The following ORMDL3 variants were observed in gnomAD, a reference collection of about 807,000 sequenced individuals.
ORMDL3 encodes ORMDL sphingolipid biosynthesis regulator 3.
ORMDL3 carries 6 observed loss-of-function variants against 12.6 expected under a neutral mutation model. That is an observed-to-expected ratio of 0.48 (90% confidence interval 0.26 to 0.94). ORMDL3 has a LOEUF of 0.94. ORMDL3 is among the 40% of genes least tolerant of loss of function. ORMDL3 has a pLI of 0.14. For synonymous variants in ORMDL3, 99 were observed against 87.2 expected (o/e 1.14, Z -0.75); for missense variants, 159 against 205.5 (o/e 0.77, Z 1.38).
chr17:39,922,776 A>G (rs1453215885), intron 3 of ORMDL3, 91 bp from the exon 4 acceptor site: 7 of 1,455,886 alleles, frequency 4.8e-6, no homozygotes, highest in Non-Finnish European at 6.5e-6. Context: ...CAGAATCCCA[A>G]CAGCTAAGGA....
At chr17:39,927,117 G>A (rs974748166) in intron 1 of ORMDL3, 2 of 639,472 alleles carry the variant, frequency 3.1e-6, no homozygotes, top group South Asian at 1.4e-4. Context: ...CGGGGGGAGG[G>A]GTCCCGCTCT....
Position 39,922,798 on chromosome 17 carries a change from G to A in ORMDL3, c.327-113C>T, listed in dbSNP as rs961500245. 11 of 1,353,196 alleles carry A rather than the reference G, an allele frequency of 8.1e-6. No homozygotes were observed. In the African/African-American group the frequency reaches 1.6e-4, roughly 20 times the overall value. The allele number at this position is 1,353,196 out of a possible 1,614,324, so 83.8% of individuals were successfully genotyped here. On this transcript the variant is annotated intron_variant, in intron 3 of 3. Coordinates refer to ENST00000304046, the MANE Select transcript of ORMDL3 (RefSeq NM_139280.4). ...CCAACAGCTAAGGAGTTACAGAAGAGGTTCCCAGACCAGCGTAAGAAGCAA... is the reference window on the plus strand; with the variant it reads ...CCAACAGCTAAGGAGTTACAGAAGAAGTTCCCAGACCAGCGTAAGAAGCAA...
chr17:39,926,904 T>C (rs1978458829), intron 1 of ORMDL3: 1 of 986,068 alleles, frequency 1.0e-6, no homozygotes, highest in Middle Eastern at 5.2e-4. Flanking sequence ...CACAATGCCA[T>C]GTCCATTCCG....
chr17:39,922,586 G>A lies in ORMDL3; in HGVS notation c.426C>T (p.Leu142=). ...MSVLIPKLPQ[L]HGVRIFGINK... ...TGATTCCAAAAATCCGGACTCCGTGGAGCTGGGGCAGCTTGGGGATAAGCA... is the reference window on the plus strand; with the variant it reads ...TGATTCCAAAAATCCGGACTCCGTGAAGCTGGGGCAGCTTGGGGATAAGCA... Residue 142 remains leucine, a synonymous_variant, in exon 4 of 4, where the codon CTC becomes CTT. Transcript: ENST00000304046. 6 of 1,614,216 alleles carry A rather than the reference G, an allele frequency of 3.7e-6. No individual in the cohort carries two copies. The highest frequency in any genetic ancestry group is 5.1e-6 in the Non-Finnish European group (6 of 1,180,036).
In ORMDL3 at chr17:39,927,564, G is replaced by C; in HGVS notation, c.-103C>G. The C allele has an allele frequency of 1.0e-6, 1 of 985,558 alleles. No homozygotes were observed. The highest frequency in any genetic ancestry group is 1.2e-6 in the Non-Finnish European group (1 of 830,030). The allele number at this position is 985,558 out of a possible 1,614,324, so 61.1% of individuals were successfully genotyped here. A position where few individuals can be genotyped will look rare whatever the true frequency, so the allele number is the denominator to read the frequency against. On this transcript the variant is annotated 5_prime_UTR_variant, in exon 1 of 4. Coordinates refer to ENST00000304046, the MANE Select transcript of ORMDL3 (RefSeq NM_139280.4). Reference sequence around the variant, plus strand: ...GCTGCTCCAGCAGCTGTAACAACCCGCGGCTGCAGCCTCCCCGCTGGCAGC... The same window carrying C: ...GCTGCTCCAGCAGCTGTAACAACCCCCGGCTGCAGCCTCCCCGCTGGCAGC...
rs1978293105 is a variant in ORMDL3, at chr17:39,921,172, C to A, written c.*1378G>T. ...CCTATGATACACGGGGTGGGAGATG[C>A]AGGGTCAGGAGGGAGAAAACAGGCC... On this transcript the variant is annotated 3_prime_UTR_variant, in exon 4 of 4. Transcript: ENST00000304046. 6.5e-6 allele frequency: 1 copy of A among 152,830 alleles called. No individual in the cohort carries two copies. Among genetic ancestry groups the A allele is most frequent in the Non-Finnish European group, 1.5e-5 (1 of 68,114 alleles). 9.5% of individuals were successfully genotyped at this position (152,830 alleles called of 1,614,324 possible). A position where few individuals can be genotyped will look rare whatever the true frequency, so the allele number is the denominator to read the frequency against.
At chr17:39,927,332 C>G in intron 1 of ORMDL3, 152 bp downstream of exon 1, 2 of 481,814 alleles carry the variant, frequency 4.2e-6, no homozygotes, top group Non-Finnish European at 5.4e-6. Context: ...GGCCACCTCC[C>G]CAGCCGATGC....
intron 2 of ORMDL3, among the ~76,000 whole-genome samples, 174 bp downstream of exon 2, chr17:39,923,856 G>C (rs941353277): frequency 6.6e-6 from 1 of 152,002 alleles, no homozygotes; most frequent in East Asian, 1.9e-4. Flanking sequence ...ACCCAGAAGG[G>C]GGAGCAAGGC....
At chr17:39,926,980 G>C in intron 1 of ORMDL3, 1 of 985,782 alleles carries the variant, frequency 1.0e-6, no homozygotes, top group Non-Finnish European at 1.2e-6. Context: ...ACCCCGACTG[G>C]GGGAGGGCGG....
chr17:39,922,001 C>G lies in ORMDL3; in HGVS notation c.*549G>C, dbSNP rs1301490891. 3 of 152,932 alleles carry G rather than the reference C, an allele frequency of 2.0e-5. No individual in the cohort carries two copies. Among genetic ancestry groups the G allele is most frequent in the Non-Finnish European group, 4.4e-5 (3 of 68,294 alleles). 9.5% of individuals were successfully genotyped at this position (152,932 alleles called of 1,614,324 possible). A position where few individuals can be genotyped will look rare whatever the true frequency, so the allele number is the denominator to read the frequency against. ...GGACCCACGGTGGGTTGCAGAGAAGCTGCCAAAAGCCTGGGACTTGGATTA... is the reference window on the plus strand; with the variant it reads ...GGACCCACGGTGGGTTGCAGAGAAGGTGCCAAAAGCCTGGGACTTGGATTA... On this transcript the variant is annotated 3_prime_UTR_variant, in exon 4 of 4. Transcript: ENST00000304046.
At chr17:39,925,064 C>T (rs1300381087) in intron 1 of ORMDL3, 1 of 152,380 alleles carries the variant, frequency 6.6e-6, no homozygotes, top group Non-Finnish European at 1.5e-5. Flanking sequence ...CCTGTAACTC[C>T]CATAGAGAGC....
Position 39,924,143 on chromosome 17 carries a change from C to G in ORMDL3, c.61G>C (p.Gly21Arg). The G allele has an allele frequency of 6.2e-7, 1 of 1,614,092 alleles. No individual in the cohort carries two copies. The highest frequency in any genetic ancestry group is 1.1e-5 in the South Asian group (1 of 91,074). ...GCCAGCACGTAGGAGAGCCAGATGC[C>G]ACGGCTGTTCATCACCCGCGTGTTG... ...NPNTRVMNSR[G>R]IWLSYVLAIG... The change falls in exon 2 of 4, where the codon GGC (glycine) becomes CGC (arginine). Residue 21 changes from glycine (G) to arginine (R), a missense_variant. Gly to Arg is a moderately radical substitution (Grantham distance 125, BLOSUM62 -2). Transcript: ENST00000304046.
At chr17:39,926,794 G>C in intron 1 of ORMDL3, 2 of 986,242 alleles carry the variant, frequency 2.0e-6, no homozygotes, top group Non-Finnish European at 1.2e-6. Flanking sequence ...CCCCAGGAAA[G>C]AGCAGCCCTC....
In ORMDL3 at chr17:39,922,402, G is replaced by A; in HGVS notation, c.*148C>T. On this transcript the variant is annotated 3_prime_UTR_variant, in exon 4 of 4. Coordinates refer to ENST00000304046, the MANE Select transcript of ORMDL3 (RefSeq NM_139280.4). ...CAAGCTACTCCAAGTTGGCTACTGG[G>A]GGAAGCGAGGGGGGAAATTAGGCCA... is the stretch of plus-strand genomic sequence containing the variant. 1 of 1,008,618 alleles carries A rather than the reference G, an allele frequency of 9.9e-7. No individual in the cohort carries two copies. The highest frequency in any genetic ancestry group is 2.6e-5 in the East Asian group (1 of 38,808). The allele number at this position is 1,008,618 out of a possible 1,614,324, so 62.5% of individuals were successfully genotyped here.
At chr17:39,923,945 A>G in intron 2 of ORMDL3, 85 bp downstream of exon 2, 2 of 1,373,394 alleles carry the variant, frequency 1.5e-6, no homozygotes, top group South Asian at 2.9e-5. Context: ...CAGGCCCGAC[A>G]GGCTCCTCCT....
chr17:39,923,104 G>A lies in ORMDL3; in HGVS notation c.326+8C>T. ...CTGCTGGTGTCTTCCTGTAGCCCAG[G>A]CACTCACAGCACGATGGGTGTGATG... On this transcript the variant is annotated splice_region_variant and intron_variant, in intron 3 of 3. Transcript: ENST00000304046. 1 of 1,614,098 alleles carries A rather than the reference G, an allele frequency of 6.2e-7. No individual in the cohort carries two copies. The highest frequency in any genetic ancestry group is 8.5e-7 in the Non-Finnish European group (1 of 1,179,976).
rs777644973 is a variant in ORMDL3, at chr17:39,922,391, T to G, written c.*159A>C. ...CAACCCCACTACAAGCTACTCCAAG[T>G]TGGCTACTGGGGGAAGCGAGGGGGG... On this transcript the variant is annotated 3_prime_UTR_variant, in exon 4 of 4. Coordinates refer to ENST00000304046, the MANE Select transcript of ORMDL3 (RefSeq NM_139280.4). 4.5e-6 allele frequency: 4 copies of G among 891,598 alleles called. No individual in the cohort carries two copies. In the East Asian group the frequency reaches 7.8e-5, roughly 17 times the overall value. The allele number at this position is 891,598 out of a possible 1,614,324, so 55.2% of individuals were successfully genotyped here. A position where few individuals can be genotyped will look rare whatever the true frequency, so the allele number is the denominator to read the frequency against.
chr17:39,927,065 A>C (rs1267144332), intron 1 of ORMDL3: 8 of 943,820 alleles, frequency 8.5e-6, no homozygotes, highest in Non-Finnish European at 1.0e-5. Flanking sequence ...CGGAGTCCTC[A>C]CTGTTGTTGG....
chr17:39,922,356 G>T lies in ORMDL3; in HGVS notation c.*194C>A. 1 of 625,240 alleles carries T rather than the reference G, an allele frequency of 1.6e-6. No homozygotes were observed. Among genetic ancestry groups the T allele is most frequent in the Non-Finnish European group, 2.7e-6 (1 of 368,018 alleles). 38.7% of individuals were successfully genotyped at this position (625,240 alleles called of 1,614,324 possible). On this transcript the variant is annotated 3_prime_UTR_variant, in exon 4 of 4. Coordinates refer to ENST00000304046, the MANE Select transcript of ORMDL3 (RefSeq NM_139280.4). ...AATTCAGAAAAGGTCAGAGCCCAGGGGGCCTACCCCAACCCCACTACAAGC... is the reference window on the plus strand; with the variant it reads ...AATTCAGAAAAGGTCAGAGCCCAGGTGGCCTACCCCAACCCCACTACAAGC...
Sources: gnomAD v4.1 joint callset for allele counts (sites outside exome capture counted in the v4.1 genomes callset) on GRCh38, gnomAD v4.1.1 for gene constraint, MANE v1.5 for transcripts, NCBI Gene and HGNC (gene_info 2026-07-23, HGNC 2026-07-21) for gene names.